CTNNA3: variants seen among roughly 807,000 people sequenced by gnomAD.
The protein encoded by CTNNA3 is catenin alpha 3.
In CTNNA3, 76 loss-of-function variants were observed where a neutral mutation model predicts 95.7. The observed-to-expected ratio is 0.79, with a 90% CI of 0.66 to 0.96. The LOEUF (loss-of-function observed/expected upper bound fraction) is 0.96, where lower values mean the gene tolerates loss of function less well. Among genes scored for constraint, CTNNA3 ranks in the 40% least tolerant of loss-of-function variants. The pLI is 0.00. For synonymous variants in CTNNA3, 431 were observed against 374.4 expected, an observed-to-expected ratio of 1.15 and a Z score of -1.74; for missense variants, 1,191 against 1,089.8, an observed-to-expected ratio of 1.09 and a Z score of -1.31.
chr10:67,095,286 T>C (rs894856719), intron 7 of CTNNA3, among the ~76,000 whole-genome samples: 14 of 151,696 alleles, frequency 9.2e-5, no homozygotes, highest in African/African-American at 3.1e-4. Context: ...ATGATATATG[T>C]TAAACATTCA....
chr10:66,660,089 C>T (rs564132690), intron 9 of CTNNA3, among the ~76,000 whole-genome samples: 5 of 151,982 alleles, frequency 3.3e-5, no homozygotes, highest in Admixed American at 6.6e-5. Flanking sequence ...CCCAAATTGC[C>T]GGTATTACAA....
At chr10:67,308,457 T>C (rs1368943609) in intron 5 of CTNNA3, among the ~76,000 whole-genome samples, 3 of 152,208 alleles carry the variant, frequency 2.0e-5, no homozygotes, top group Non-Finnish European at 4.4e-5. Context: ...TCTGCCATGA[T>C]TGTAAGACTT....
At chr10:66,109,782 A>T (rs190786980) in intron 13 of CTNNA3, among the ~76,000 whole-genome samples, 63 of 152,200 alleles carry the variant, frequency 4.1e-4, no homozygotes, top group African/African-American at 1.4e-3. Context: ...AAATGAGTTA[A>T]TAGGTGCAGC....
chr10:67,535,030 T>A (rs778518355), intron 4 of CTNNA3, among the ~76,000 whole-genome samples: 1 of 152,180 alleles, frequency 6.6e-6, no homozygotes, highest in Non-Finnish European at 1.5e-5. Flanking sequence ...CAATGGTCAC[T>A]TAGAGCTCTT....
intron 7 of CTNNA3, among the ~76,000 whole-genome samples, chr10:67,007,099 A>T (rs1188207690): frequency 6.6e-6 from 1 of 152,120 alleles, no homozygotes; most frequent in Non-Finnish European, 1.5e-5. Context: ...CCCAGCTTAC[A>T]GTCTTAAAAA....
At chr10:67,566,297 T>G (rs1339885084) in intron 3 of CTNNA3, among the ~76,000 whole-genome samples, 1 of 145,702 alleles carries the variant, frequency 6.9e-6, no homozygotes, top group Non-Finnish European at 1.5e-5. Context: ...ATATCCAGAA[T>G]CTACAATGAA....
At chr10:67,430,054 T>G (rs2894039) in intron 5 of CTNNA3, among the ~76,000 whole-genome samples, 104,889 of 151,350 alleles carry the variant, frequency 0.69, 41,012 homozygotes, top group Non-Finnish European at 0.87. Context: ...GTATATTACT[T>G]TCTCTTGGTT....
chr10:66,268,631 T>C (rs2091209991), intron 13 of CTNNA3, among the ~76,000 whole-genome samples: 1 of 152,214 alleles, frequency 6.6e-6, no homozygotes. Flanking sequence ...GCAGCAATAA[T>C]AACTGGAACA....
intron 7 of CTNNA3, among the ~76,000 whole-genome samples, chr10:67,004,925 T>C (rs185109583): frequency 3.9e-5 from 6 of 152,274 alleles, no homozygotes; most frequent in Admixed American, 1.3e-4. Flanking sequence ...AGAACAGATT[T>C]TGTTGTTAGG....
intron 7 of CTNNA3, among the ~76,000 whole-genome samples, chr10:67,140,514 A>T (rs978136775): frequency 1.3e-5 from 2 of 152,164 alleles, no homozygotes; most frequent in Non-Finnish European, 2.9e-5. Context: ...TAATTTTTTT[A>T]AAAATAAAAA....
intron 9 of CTNNA3, among the ~76,000 whole-genome samples, chr10:66,632,758 T>C (rs1845190430): frequency 6.6e-6 from 1 of 151,824 alleles, no homozygotes. Flanking sequence ...GTCAAAATAT[T>C]GAAAATAAAG....
chr10:66,305,713 G>C (rs1364803813), intron 12 of CTNNA3, among the ~76,000 whole-genome samples: 1 of 152,152 alleles, frequency 6.6e-6, no homozygotes. Context: ...TGAGGTTATA[G>C]AGCAATTATC....
chr10:66,056,823 A>G (rs1257564152), intron 15 of CTNNA3, among the ~76,000 whole-genome samples: 2 of 152,322 alleles, frequency 1.3e-5, no homozygotes, highest in Admixed American at 6.5e-5. Context: ...GATTAAATGT[A>G]TAAATGAACA....
chr10:65,966,501 G>T, intron 17 of CTNNA3, 111 bp downstream of exon 17: 1 of 904,140 alleles, frequency 1.1e-6, no homozygotes, highest in Non-Finnish European at 1.6e-6. Context: ...CTCCAATTTA[G>T]TTTTTCTAAA....
intron 9 of CTNNA3, among the ~76,000 whole-genome samples, chr10:66,667,134 G>A (rs1419684807): frequency 3.3e-5 from 5 of 151,898 alleles, no homozygotes; most frequent in Admixed American, 1.3e-4. Context: ...TCACTACCGC[G>A]AGGTTTCCAG....
chr10:66,746,880 TGTGTGC>T (rs1279376006), intron 9 of CTNNA3, among the ~76,000 whole-genome samples: 8 of 140,972 alleles, frequency 5.7e-5, no homozygotes, highest in Admixed American at 4.4e-4. Context: ...TGTGTGTGTG[TGTGTGC>T]GTGCACACAC....
intron 5 of CTNNA3, among the ~76,000 whole-genome samples, chr10:67,448,672 T>G (rs929295879): frequency 1.3e-5 from 2 of 151,436 alleles, no homozygotes; most frequent in Non-Finnish European, 3.0e-5. Flanking sequence ...AGAAATTCTA[T>G]GCGAGTTGAA....
At chr10:67,527,480 T>G (rs7914739) in intron 4 of CTNNA3, among the ~76,000 whole-genome samples, 6,379 of 152,242 alleles carry the variant, frequency 0.042, 153 homozygotes, top group South Asian at 0.1. Flanking sequence ...ATAGCCAACA[T>G]CATAGACATC....
At position 66,978,505 on chromosome 10, in the gene CTNNA3, T is replaced by G. The variant is rs1245500864; in HGVS notation, c.1047+201812A>C. ...TCACACCACTGCACTCCAGCCTGGA[T>G]GATAGAGTGAGACTCCATCTCAAAA... On this transcript the variant is annotated intron_variant, in intron 7 of 17. Coordinates refer to ENST00000433211, the MANE Select transcript of CTNNA3 (RefSeq NM_013266.4). Among the ~76,000 whole-genome samples the G allele has an allele frequency of 6.9e-5, 6 of 87,368 alleles. No individual in the cohort carries two copies. In the South Asian group the frequency reaches 2.6e-3, roughly 38 times the overall value. 57.3% of individuals were successfully genotyped at this position (87,368 alleles called of 152,430 possible).
Sources: gnomAD v4.1 joint callset for allele counts (sites outside exome capture counted in the v4.1 genomes callset) on GRCh38, gnomAD v4.1.1 for gene constraint, MANE v1.5 for transcripts, NCBI Gene and HGNC (gene_info 2026-07-23, HGNC 2026-07-21) for gene names.